FBXL2: variants seen among roughly 807,000 people sequenced by gnomAD.
The protein encoded by FBXL2 is F-box/LRR-repeat protein 2.
In FBXL2, 38 loss-of-function variants were observed where a neutral mutation model predicts 69.2. The observed-to-expected ratio is 0.55, with a 90% confidence interval of 0.42 to 0.72. FBXL2 has a LOEUF of 0.72. Ranked by LOEUF, FBXL2 falls within the 30% of genes least tolerant of loss-of-function variation. The probability of loss-of-function intolerance (pLI) is 0.00; values close to 1 mark genes in which losing one functional copy is unlikely to be tolerated. For missense variants in FBXL2, 354 were observed against 520.3 expected (o/e 0.68, Z 3.11); for synonymous variants, 192 against 201.3 (o/e 0.95, Z 0.39).
chr3:33,408,329 A>T (rs991554905), downstream of FBXL2, among the ~76,000 whole-genome samples: 1 of 152,142 alleles, frequency 6.6e-6, no homozygotes, highest in Non-Finnish European at 1.5e-5. Context: ...CTAATTTACT[A>T]AAGAAAGTAT....
intron 2 of FBXL2, among the ~76,000 whole-genome samples, chr3:33,326,558 T>A (rs767115652): frequency 6.6e-5 from 10 of 152,064 alleles, no homozygotes; most frequent in Non-Finnish European, 1.5e-4. Context: ...GGTTTTTTCT[T>A]TTTCTTTTCA....
chr3:33,323,464 C>A (rs2038403689), intron 2 of FBXL2, among the ~76,000 whole-genome samples: 1 of 152,160 alleles, frequency 6.6e-6, no homozygotes, highest in Non-Finnish European at 1.5e-5. Context: ...TCCCCTTCCC[C>A]CCGACGCCCA....
intron 1 of FBXL2, among the ~76,000 whole-genome samples, chr3:33,287,494 T>C (rs1006314915): frequency 2.6e-5 from 4 of 152,176 alleles, no homozygotes; most frequent in Middle Eastern, 6.3e-3. Flanking sequence ...TTTATTAATT[T>C]TTCTGGAGAC....
rs563809291 is a variant in FBXL2, at chr3:33,300,158, C to T, written c.65+2433C>T. 3.9e-5 allele frequency among the ~76,000 whole-genome samples: 6 copies of T among 152,252 alleles called. No individual in the cohort carries two copies. The South Asian group carries it at 1.0e-3, about 26-fold the overall frequency. ...GTGATTAAACTCCACCCTTCTCATG[C>T]ATACTTCTGCTGTGACTCAAGGCTA... is the stretch of plus-strand genomic sequence containing the variant. On this transcript the variant is annotated intron_variant, in intron 2 of 14. Coordinates refer to ENST00000484457, the MANE Select transcript of FBXL2 (RefSeq NM_012157.5).
At chr3:33,413,762 C>T in the FBXL2 span, among the ~76,000 whole-genome samples, 3 of 151,956 alleles carry the variant, frequency 2.0e-5, no homozygotes, top group Admixed American at 6.6e-5. Flanking sequence ...CTGCTTTATT[C>T]CCATCTTCCT....
At chr3:33,374,287 C>T (rs116757643) in intron 9 of FBXL2, among the ~76,000 whole-genome samples, 3 of 152,234 alleles carry the variant, frequency 2.0e-5, no homozygotes, top group Non-Finnish European at 4.4e-5. Flanking sequence ...GATGACTCCT[C>T]TCACGTTGTT....
intron 13 of FBXL2, among the ~76,000 whole-genome samples, chr3:33,380,989 C>T (rs1008117215): frequency 7.9e-5 from 12 of 152,122 alleles, no homozygotes; most frequent in Non-Finnish European, 1.6e-4. Flanking sequence ...GCAGAATTGG[C>T]CCGAACCAGA....
At chr3:33,360,262 T>C (rs2041515903) in intron 4 of FBXL2, among the ~76,000 whole-genome samples, 1 of 152,206 alleles carries the variant, frequency 6.6e-6, no homozygotes, top group Non-Finnish European at 1.5e-5. Context: ...TGTTTAACAG[T>C]AGGATTGAGC....
chr3:33,377,252 C>G, intron 10 of FBXL2, 21 bp from the exon 11 acceptor site: 1 of 1,612,980 alleles, frequency 6.2e-7, no homozygotes, highest in Non-Finnish European at 8.5e-7. Flanking sequence ...GTTTTCTCCC[C>G]TGTACCCACT....
intron 11 of FBXL2, 59 bp downstream of exon 11, chr3:33,377,392 G>T: frequency 6.4e-7 from 1 of 1,553,772 alleles, no homozygotes; most frequent in South Asian, 1.1e-5. Flanking sequence ...AATTCAAAGT[G>T]ACTTGGAGTG....
chr3:33,420,209 G>C, the FBXL2 span, among the ~76,000 whole-genome samples: 8 of 152,126 alleles, frequency 5.3e-5, no homozygotes, highest in Non-Finnish European at 1.0e-4. Flanking sequence ...CTAACCAGGA[G>C]GAAATCTACT....
rs1046943126 is a variant in FBXL2, at chr3:33,292,530, GA to G, written c.4-5125del. Reference sequence around the variant, plus strand: ...ATCACTAATTGACAGAACTTGTGAAGAAAAAAAAAGTCAGTAAGGATATAAA... The same window carrying G: ...ATCACTAATTGACAGAACTTGTGAAGAAAAAAAAGTCAGTAAGGATATAAA... On this transcript the variant is annotated intron_variant, in intron 1 of 14. Transcript: ENST00000484457. Among the ~76,000 whole-genome samples the G allele has an allele frequency of 1.4e-4, 21 of 150,574 alleles. No individual in the cohort carries two copies. In the East Asian group the frequency reaches 1.6e-3, roughly 11 times the overall value.
intron 13 of FBXL2, among the ~76,000 whole-genome samples, chr3:33,380,854 G>A (rs1367281985): frequency 1.3e-5 from 2 of 152,154 alleles, no homozygotes; most frequent in African/African-American, 4.8e-5. Context: ...TGCCAGGGAT[G>A]AGTGACAGTG....
chr3:33,407,647 A>T (rs942877556), downstream of FBXL2, among the ~76,000 whole-genome samples: 4 of 152,214 alleles, frequency 2.6e-5, no homozygotes, highest in African/African-American at 9.6e-5. Context: ...AGAAGCATTA[A>T]AACATTTTTA....
chr3:33,409,376 T>A, the FBXL2 span: 1 of 1,613,976 alleles, frequency 6.2e-7, no homozygotes, highest in South Asian at 1.1e-5. Flanking sequence ...ATTTCATCTA[T>A]CAGGCTGCAG....
intron 5 of FBXL2, 134 bp from the exon 6 acceptor site, chr3:33,372,958 C>G: frequency 1.3e-6 from 1 of 774,778 alleles, no homozygotes; most frequent in South Asian, 1.5e-5. Context: ...TGCACTGTGA[C>G]AAGAACCCTA....
chr3:33,402,295 A>C (rs2044258740), intron 12 of FBXL2, among the ~76,000 whole-genome samples: 1 of 152,164 alleles, frequency 6.6e-6, no homozygotes, highest in South Asian at 2.1e-4. Flanking sequence ...TAACAGAATA[A>C]AGAGTCCACC....
In FBXL2 at chr3:33,385,774, C is replaced by T; in HGVS notation, c.*166C>T. 1.6e-6 allele frequency: 1 copy of T among 617,068 alleles called. No homozygotes were observed. Among genetic ancestry groups the T allele is most frequent in the Non-Finnish European group, 2.9e-6 (1 of 344,794 alleles). The allele number at this position is 617,068 out of a possible 1,614,324, so 38.2% of individuals were successfully genotyped here. On this transcript the variant is annotated 3_prime_UTR_variant, in exon 15 of 15. Transcript: ENST00000484457. ...TTGCAGTTACTCTGGTGATAGTTTTCACCTTTATTCTGCTGTGAAACAATC... is the reference window on the plus strand; with the variant it reads ...TTGCAGTTACTCTGGTGATAGTTTTTACCTTTATTCTGCTGTGAAACAATC...
chr3:33,300,968 G>T (rs1160292719), intron 2 of FBXL2, among the ~76,000 whole-genome samples: 2 of 151,896 alleles, frequency 1.3e-5, no homozygotes, highest in Non-Finnish European at 2.9e-5. Flanking sequence ...CTCCCAAAGT[G>T]CTGGGATTAC....
Sources: gnomAD v4.1 joint callset for allele counts (sites outside exome capture counted in the v4.1 genomes callset) on GRCh38, gnomAD v4.1.1 for gene constraint, MANE v1.5 for transcripts, NCBI Gene and HGNC (gene_info 2026-07-23, HGNC 2026-07-21) for gene names.